The following MECOM variants were observed in gnomAD, a reference collection of about 807,000 sequenced individuals.
MECOM encodes the protein MDS1 and EVI1 complex locus.
In MECOM, 13 loss-of-function variants were observed where a neutral mutation model predicts 116.3. The observed-to-expected ratio is 0.11, with a 90% CI of 0.07 to 0.18. MECOM has a LOEUF of 0.18. Ranked by LOEUF, MECOM falls within the 10% of genes least tolerant of loss-of-function variation. The probability of loss-of-function intolerance (pLI) is 1.00; values close to 1 mark genes in which losing one functional copy is unlikely to be tolerated. For synonymous variants in MECOM, 528 were observed against 535.2 expected (o/e 0.99, Z 0.19); for missense variants, 1,299 against 1,509.0 (o/e 0.86, Z 2.31).
At chr3:169,229,330 T>G (rs1753105088) in intron 2 of MECOM, among the ~76,000 whole-genome samples, 1 of 152,150 alleles carries the variant, frequency 6.6e-6, no homozygotes, top group South Asian at 2.1e-4. Flanking sequence ...AGACACCAAA[T>G]AAGTCACAAG....
chr3:169,117,490 C>G (rs570758376), intron 7 of MECOM, among the ~76,000 whole-genome samples: 33 of 152,352 alleles, frequency 2.2e-4, no homozygotes, highest in African/African-American at 7.7e-4. Context: ...CGTCCTCTGA[C>G]TTCCCCTCAC....
intron 1 of MECOM, among the ~76,000 whole-genome samples, chr3:169,634,229 CAT>C (rs1345205728): frequency 7.1e-6 from 1 of 140,998 alleles, no homozygotes; most frequent in African/African-American, 2.7e-5. Context: ...TATGCACAAA[CAT>C]GTGTGCACAA....
Position 169,446,532 on chromosome 3 carries a change from C to T in MECOM, c.38-65008G>A, listed in dbSNP as rs140795342. Among the ~76,000 whole-genome samples the T allele has an allele frequency of 1.3e-4, 20 of 152,264 alleles. No individual in the cohort carries two copies. The East Asian group carries it at 1.7e-3, about 13-fold the overall frequency. ...ACCGAACTAATACAGACACTCTCCA[C>T]GCTACACAAATAAGCCTGGTCTTCC... On this transcript the variant is annotated intron_variant, in intron 1 of 16. Transcript: ENST00000651503.
chr3:169,282,949 C>T lies in MECOM; in HGVS notation c.375+98238G>A, dbSNP rs1175984034. 2.0e-5 allele frequency among the ~76,000 whole-genome samples: 3 copies of T among 152,020 alleles called. No homozygotes were observed. The East Asian group carries it at 5.8e-4, about 29-fold the overall frequency. On this transcript the variant is annotated intron_variant, in intron 2 of 16. Transcript: ENST00000651503. ...CATATGGCCACCCACTTGAGAGATC[C>T]CTTTTTTACGGTAATTTCTATGAGA...
intron 1 of MECOM, among the ~76,000 whole-genome samples, chr3:169,559,044 G>GCACA (rs1553885894): frequency 1.9e-4 from 26 of 137,938 alleles, no homozygotes; most frequent in Admixed American, 1.6e-3. Context: ...ACACACACAC[G>GCACA]CGCACACACA....
intron 1 of MECOM, among the ~76,000 whole-genome samples, chr3:169,644,110 C>T (rs762249349): frequency 1.1e-4 from 17 of 152,154 alleles, no homozygotes; most frequent in Non-Finnish European, 1.9e-4. Context: ...ACTCCTCTTG[C>T]ACCATAACTT....
intron 2 of MECOM, among the ~76,000 whole-genome samples, chr3:169,239,573 A>G (rs760960531): frequency 2.7e-4 from 41 of 152,048 alleles, no homozygotes; most frequent in Non-Finnish European, 4.1e-4. Context: ...AAAAAGTTCT[A>G]GACTTCCAGA....
At chr3:169,456,611 C>T (rs1025930474) in intron 1 of MECOM, among the ~76,000 whole-genome samples, 5 of 152,140 alleles carry the variant, frequency 3.3e-5, no homozygotes, top group Admixed American at 2.0e-4. Flanking sequence ...TCCAAACCCA[C>T]CACGGACCTG....
intron 1 of MECOM, among the ~76,000 whole-genome samples, chr3:169,626,029 A>G (rs1242434508): frequency 6.6e-6 from 1 of 152,244 alleles, no homozygotes; most frequent in African/African-American, 2.4e-5. Context: ...TTTATTTCCA[A>G]AAACTCATTT....
At position 169,084,791 on chromosome 3, in the gene MECOM, T is replaced by G; in HGVS notation, c.*118A>C. 9.2e-7 allele frequency: 1 copy of G among 1,086,080 alleles called. No individual in the cohort carries two copies. The highest frequency in any genetic ancestry group is 1.3e-6 in the Non-Finnish European group (1 of 741,536). 67.3% of individuals were successfully genotyped at this position (1,086,080 alleles called of 1,614,324 possible). ...CATTCAGTTTAAGGTCACTAGACTTTAGATGAGTGACCCTGCAGGTTTATA... is the reference window on the plus strand; with the variant it reads ...CATTCAGTTTAAGGTCACTAGACTTGAGATGAGTGACCCTGCAGGTTTATA... On this transcript the variant is annotated 3_prime_UTR_variant, in exon 17 of 17. Coordinates refer to ENST00000651503, the MANE Select transcript of MECOM (RefSeq NM_004991.4).
chr3:169,575,114 T>C (rs1404018069), intron 1 of MECOM, among the ~76,000 whole-genome samples: 1 of 152,164 alleles, frequency 6.6e-6, no homozygotes, highest in African/African-American at 2.4e-5. Flanking sequence ...AATATACCTG[T>C]TGCTACCCGT....
At chr3:169,245,209 G>A (rs921667478) in intron 2 of MECOM, among the ~76,000 whole-genome samples, 7 of 151,930 alleles carry the variant, frequency 4.6e-5, no homozygotes, top group African/African-American at 1.5e-4. Context: ...ATTATAAAGG[G>A]GAAATATAAT....
intron 1 of MECOM, among the ~76,000 whole-genome samples, chr3:169,599,885 G>T: frequency 6.6e-6 from 1 of 152,168 alleles, no homozygotes; most frequent in East Asian, 1.9e-4. Flanking sequence ...GTAGGAACCT[G>T]CCAGTTAAAA....
intron 2 of MECOM, chr3:169,149,517 A>C: frequency 3.8e-6 from 1 of 266,032 alleles, no homozygotes; most frequent in Non-Finnish European, 7.8e-6. Context: ...AATAAAGCGC[A>C]GCGCCGGCGG....
intron 1 of MECOM, among the ~76,000 whole-genome samples, chr3:169,452,946 T>C (rs1233001108): frequency 6.6e-6 from 1 of 152,214 alleles, no homozygotes; most frequent in Non-Finnish European, 1.5e-5. Context: ...TCTTGCATAG[T>C]TATACACAGA....
At chr3:169,506,030 A>G (rs1024079644) in intron 1 of MECOM, among the ~76,000 whole-genome samples, 14 of 152,212 alleles carry the variant, frequency 9.2e-5, no homozygotes, top group Non-Finnish European at 1.6e-4. Context: ...CCACTTGTCC[A>G]TTATATAATT....
At chr3:169,433,665 G>T (rs1204978536) in intron 1 of MECOM, among the ~76,000 whole-genome samples, 1 of 141,064 alleles carries the variant, frequency 7.1e-6, no homozygotes, top group Non-Finnish European at 1.5e-5. Flanking sequence ...AAGAAAGAAA[G>T]AAAGAAAGAA....
chr3:169,384,855 C>T (rs1427004322), intron 1 of MECOM, among the ~76,000 whole-genome samples: 3 of 152,054 alleles, frequency 2.0e-5, no homozygotes, highest in Non-Finnish European at 4.4e-5. Flanking sequence ...GTAACCCTAG[C>T]ACTTTGGGAG....
At chr3:169,386,737 C>T (rs894716289) in intron 1 of MECOM, among the ~76,000 whole-genome samples, 27 of 152,048 alleles carry the variant, frequency 1.8e-4, no homozygotes, top group Non-Finnish European at 2.9e-4. Context: ...ATTTCAATTT[C>T]CTTAGGTTAG....
Sources: gnomAD v4.1 joint callset for allele counts (sites outside exome capture counted in the v4.1 genomes callset) on GRCh38, gnomAD v4.1.1 for gene constraint, MANE v1.5 for transcripts, NCBI Gene and HGNC (gene_info 2026-07-23, HGNC 2026-07-21) for gene names.